KIF1B: variants seen among roughly 807,000 people sequenced by gnomAD.
KIF1B encodes kinesin family member 1B, also known as kinesin-like protein KIF1B.
A neutral mutation model predicts 241.9 loss-of-function variants in KIF1B; 76 were observed. That is an observed-to-expected ratio of 0.31 (90% CI 0.26 to 0.38). KIF1B has a LOEUF of 0.38. Among genes scored for constraint, KIF1B ranks in the 10% least tolerant of loss-of-function variants. KIF1B has a pLI of 1.00. For synonymous variants in KIF1B, 750 were observed against 796.7 expected (o/e 0.94, Z 0.99); for missense variants, 1,622 against 2,271.4 (o/e 0.71, Z 5.81).
At chr1:10,244,071 G>A (rs1647173940) in intron 2 of KIF1B, among the ~76,000 whole-genome samples, 1 of 152,064 alleles carries the variant, frequency 6.6e-6, no homozygotes, top group Non-Finnish European at 1.5e-5. Context: ...CAAGTATACA[G>A]TGAATATGTA....
At chr1:10,322,890 A>G (rs1255261953) in intron 24 of KIF1B, among the ~76,000 whole-genome samples, 1 of 152,242 alleles carries the variant, frequency 6.6e-6, no homozygotes, top group African/African-American at 2.4e-5. Flanking sequence ...AATGTCGTGA[A>G]GTACTTACCA....
At chr1:10,296,826 G>C in intron 20 of KIF1B, 71 bp from the exon 21 acceptor site, 1 of 1,424,410 alleles carries the variant, frequency 7.0e-7, no homozygotes, top group Non-Finnish European at 9.8e-7. Context: ...TTAGGGAGGG[G>C]TGAGGTTGTT....
In KIF1B at chr1:10,376,528, C is replaced by G. The variant is rs1273540163; in HGVS notation, c.5409-17C>G. On this transcript the variant is annotated splice_polypyrimidine_tract_variant and intron_variant, in intron 48 of 48. Coordinates refer to ENST00000676179, the MANE Select transcript of KIF1B (RefSeq NM_001365951.3). ...TACCCAGACTTCTAATCCTACCTCC[C>G]CGTTTGTCCCCCATAGGTCAAAGCT... 2 of 1,613,698 alleles carry G rather than the reference C, an allele frequency of 1.2e-6. No homozygotes were observed. The highest frequency in any genetic ancestry group is 1.3e-5 in the African/African-American group (1 of 75,002).
At chr1:10,331,827 G>C (rs921346678) in intron 27 of KIF1B, among the ~76,000 whole-genome samples, 3 of 152,140 alleles carry the variant, frequency 2.0e-5, no homozygotes, top group African/African-American at 7.2e-5. Context: ...TCACTAATTG[G>C]AATGAACACT....
At chr1:10,244,301 CT>C (rs113257444) in intron 2 of KIF1B, among the ~76,000 whole-genome samples, 76 of 141,234 alleles carry the variant, frequency 5.4e-4, no homozygotes, top group Non-Finnish European at 7.9e-4. Context: ...TGCCATTTTT[CT>C]TTTTTTTCTT....
intron 27 of KIF1B, among the ~76,000 whole-genome samples, chr1:10,329,953 A>T (rs1557717883): frequency 6.6e-6 from 1 of 152,194 alleles, no homozygotes; most frequent in Non-Finnish European, 1.5e-5. Context: ...GTTAAAGATG[A>T]TGATTCTGTG....
At position 10,297,056 on chromosome 1, in the gene KIF1B, T is replaced by C. The variant is rs2102259239; in HGVS notation, c.2021T>C (p.Met674Thr). 2 of 1,613,918 alleles carry C rather than the reference T, an allele frequency of 1.2e-6. No individual in the cohort carries two copies. Among genetic ancestry groups the C allele is most frequent in the Non-Finnish European group, 1.7e-6 (2 of 1,179,984 alleles). Residue 674 changes from methionine to threonine, a missense_variant, in exon 21 of 49, where the codon ATG becomes ACG. Physicochemically the swap from Met to Thr is moderately conservative, Grantham distance 81 (BLOSUM62 -1). Transcript: ENST00000676179. ...CTTCTGGAAAAACAAGGAATTGATATGAAACAAGAGATGGAGAAAAGGTAA... is the reference window on the plus strand; with the variant it reads ...CTTCTGGAAAAACAAGGAATTGATACGAAACAAGAGATGGAGAAAAGGTAA... Reference protein sequence around the residue: ...RELLEKQGIDMKQEMEKRLQE... With the variant: ...RELLEKQGIDTKQEMEKRLQE...
intron 10 of KIF1B, among the ~76,000 whole-genome samples, chr1:10,273,768 A>C (rs1421845282): frequency 6.7e-6 from 1 of 149,748 alleles, no homozygotes; most frequent in Non-Finnish European, 1.5e-5. Flanking sequence ...ACTAGCCACT[A>C]AGAGGCCAGC....
chr1:10,211,639 C>A (rs904019403), intron 1 of KIF1B: 1 of 151,788 alleles, frequency 6.6e-6, no homozygotes, highest in Non-Finnish European at 1.5e-5. Flanking sequence ...GCAAGCTAGT[C>A]ATTGTTCATG....
At chr1:10,277,939 T>G in intron 12 of KIF1B, 47 bp from the exon 13 acceptor site, 1 of 1,550,722 alleles carries the variant, frequency 6.4e-7, no homozygotes, top group Non-Finnish European at 8.9e-7. Flanking sequence ...TTATGAGAAG[T>G]AGAACATATG....
rs75607790 is a variant in KIF1B at position 10,282,860 on chromosome 1, C to T, written c.1434+327C>T. Among the ~76,000 whole-genome samples the T allele has an allele frequency of 2.4e-3, 366 of 151,410 alleles. 10 individuals are homozygous for T. The East Asian group carries it at 0.052, about 21-fold the overall frequency. ...GTTTTGTTAGAAATTTATTTGGAAA[C>T]GTGGTTTCATTGAAAGATGGAATTC... is the stretch of plus-strand genomic sequence containing the variant. On this transcript the variant is annotated intron_variant, in intron 15 of 48. Transcript: ENST00000676179.
intron 36 of KIF1B, 90 bp downstream of exon 36, chr1:10,347,917 A>T (rs935067157): frequency 1.7e-6 from 2 of 1,186,030 alleles, no homozygotes; most frequent in African/African-American, 3.0e-5. Context: ...CTCTGTTTTC[A>T]TCTCTATTTC....
intron 2 of KIF1B, among the ~76,000 whole-genome samples, chr1:10,239,136 A>G (rs1421325842): frequency 6.6e-6 from 1 of 151,990 alleles, no homozygotes; most frequent in East Asian, 1.9e-4. Context: ...TTTTGTAGAG[A>G]GAGTTTCTAC....
At chr1:10,304,004 A>C in intron 22 of KIF1B, 3 of 1,608,172 alleles carry the variant, frequency 1.9e-6, no homozygotes, top group Admixed American at 3.4e-5. Context: ...ATAACAAAGC[A>C]GCTTCGTCGG....
chr1:10,318,116 A>C (rs77623981), intron 22 of KIF1B, among the ~76,000 whole-genome samples: 1 of 151,322 alleles, frequency 6.6e-6, no homozygotes, highest in African/African-American at 2.5e-5. Flanking sequence ...CTCCTAAAAA[A>C]GTGTGTTTAG....
In KIF1B at chr1:10,351,239, A is replaced by C. The variant is rs189640074; in HGVS notation, c.3950-1392A>C. ...AGTACTGAATGTCCTTTGACAAAATAATGTTTATATGGAACCCTAATACCG... is the reference window on the plus strand; with the variant it reads ...AGTACTGAATGTCCTTTGACAAAATCATGTTTATATGGAACCCTAATACCG... On this transcript the variant is annotated intron_variant, in intron 37 of 48. Transcript: ENST00000676179. 2.0e-4 allele frequency among the ~76,000 whole-genome samples: 31 copies of C among 152,038 alleles called. No individual in the cohort carries two copies. The East Asian group carries it at 5.0e-3, about 25-fold the overall frequency.
At chr1:10,363,432 C>A in intron 41 of KIF1B, 88 bp downstream of exon 41, 1 of 1,146,150 alleles carries the variant, frequency 8.7e-7, no homozygotes, top group Non-Finnish European at 1.3e-6. Flanking sequence ...TGGCACACAC[C>A]TGTAATCCCA....
intron 17 of KIF1B, among the ~76,000 whole-genome samples, chr1:10,293,536 A>T (rs895847471): frequency 3.3e-5 from 5 of 151,746 alleles, no homozygotes; most frequent in African/African-American, 1.2e-4. Context: ...GCTGGACTGC[A>T]GGCACATGCC....
chr1:10,279,934 C>A (rs1473004110), intron 14 of KIF1B, among the ~76,000 whole-genome samples: 2 of 152,038 alleles, frequency 1.3e-5, no homozygotes, highest in South Asian at 2.1e-4. Flanking sequence ...AACCCCTGAC[C>A]TCAAGCAGTC....
Sources: gnomAD v4.1 joint callset for allele counts (sites outside exome capture counted in the v4.1 genomes callset) on GRCh38, gnomAD v4.1.1 for gene constraint, MANE v1.5 for transcripts, NCBI Gene and HGNC (gene_info 2026-07-23, HGNC 2026-07-21) for gene names.